The following CACNA2D1 variants were observed in gnomAD, a reference collection of about 807,000 sequenced individuals.
CACNA2D1 encodes the protein calcium voltage-gated channel auxiliary subunit alpha2delta 1, also known as voltage-dependent calcium channel subunit alpha-2/delta-1.
A neutral mutation model predicts 171.5 loss-of-function variants in CACNA2D1; 53 were observed. That is an observed-to-expected ratio of 0.31 (90% CI 0.25 to 0.39). The LOEUF (loss-of-function observed/expected upper bound fraction) is 0.39, where lower values mean the gene tolerates loss of function less well. Among genes scored for constraint, CACNA2D1 ranks in the 10% least tolerant of loss-of-function variants. The probability of loss-of-function intolerance (pLI) is 1.00; values close to 1 mark genes in which losing one functional copy is unlikely to be tolerated. For synonymous variants in CACNA2D1, 442 were observed against 443.1 expected (o/e 1.00, Z 0.03); for missense variants, 903 against 1,299.8 (o/e 0.69, Z 4.69).
At chr7:82,042,733 T>C (rs1315508485) in intron 10 of CACNA2D1, among the ~76,000 whole-genome samples, 1 of 152,108 alleles carries the variant, frequency 6.6e-6, no homozygotes, top group African/African-American at 2.4e-5. Context: ...CCAAAAACAC[T>C]TTTTCCCACT....
At chr7:82,194,194 C>T (rs1798623487) in intron 3 of CACNA2D1, among the ~76,000 whole-genome samples, 1 of 152,022 alleles carries the variant, frequency 6.6e-6, no homozygotes, top group African/African-American at 2.4e-5. Context: ...CTCCCATCAG[C>T]TGCTCCGTAG....
chr7:82,276,510 C>G (rs918064711), intron 3 of CACNA2D1, among the ~76,000 whole-genome samples: 1 of 152,130 alleles, frequency 6.6e-6, no homozygotes, highest in African/African-American at 2.4e-5. Flanking sequence ...GCAATGTAAA[C>G]TATGTTTCTG....
chr7:81,991,133 CTTAATA>C (rs1440932573), intron 21 of CACNA2D1, 46 bp downstream of exon 21: 6 of 899,058 alleles, frequency 6.7e-6, no homozygotes, highest in African/African-American at 6.5e-5. Context: ...AAAATGCAGA[CTTAATA>C]TTAATCCATT....
In CACNA2D1 at chr7:82,062,922, T is replaced by C. The variant is rs564941996; in HGVS notation, c.779+1382A>G. Among the ~76,000 whole-genome samples the C allele has an allele frequency of 1.2e-4, 18 of 151,838 alleles. No homozygotes were observed. In the South Asian group the frequency reaches 3.7e-3, roughly 32 times the overall value. On this transcript the variant is annotated intron_variant, in intron 9 of 38. Transcript: ENST00000356860. ...ATGCCCAGCTGGTTTTTCTTTTGTA[T>C]TTGTTGTAGAAATGAGATATTGCTT...
At chr7:81,954,063 A>G (rs1223149503) in intron 38 of CACNA2D1, among the ~76,000 whole-genome samples, 1 of 152,082 alleles carries the variant, frequency 6.6e-6, no homozygotes, top group African/African-American at 2.4e-5. Flanking sequence ...GCATGGTGCA[A>G]GTCCATGTAA....
chr7:82,164,854 G>C (rs7790482), intron 4 of CACNA2D1, among the ~76,000 whole-genome samples: 7,914 of 151,854 alleles, frequency 0.052, 274 homozygotes, highest in Non-Finnish European at 0.074. Context: ...CAGAAATACA[G>C]TACACTCCCA....
chr7:82,132,000 A>T (rs12673644), intron 5 of CACNA2D1, among the ~76,000 whole-genome samples: 28,753 of 151,774 alleles, frequency 0.19, 3,044 homozygotes, highest in East Asian at 0.34. Context: ...ATCTTTTTTT[A>T]AAAAAAATGT....
At chr7:82,359,994 G>A (rs1043285815) in intron 1 of CACNA2D1, among the ~76,000 whole-genome samples, 2 of 152,166 alleles carry the variant, frequency 1.3e-5, no homozygotes, top group African/African-American at 4.8e-5. Context: ...GGAAACTGAG[G>A]CATAGAGCGG....
At chr7:82,130,791 C>CTTTT (rs71093363) in intron 5 of CACNA2D1, among the ~76,000 whole-genome samples, 48 of 105,864 alleles carry the variant, frequency 4.5e-4, no homozygotes, top group African/African-American at 5.7e-4. Flanking sequence ...TTGTTTTTGT[C>CTTTT]TTTTTTTTTT....
intron 1 of CACNA2D1, among the ~76,000 whole-genome samples, chr7:82,393,829 T>C (rs1210811748): frequency 2.0e-5 from 3 of 152,186 alleles, no homozygotes; most frequent in East Asian, 1.9e-4. Context: ...AACATTTGAG[T>C]TACTGATATA....
intron 1 of CACNA2D1, among the ~76,000 whole-genome samples, chr7:82,378,952 T>C (rs1823350344): frequency 6.7e-6 from 1 of 149,580 alleles, no homozygotes; most frequent in African/African-American, 2.5e-5. Context: ...TGTGTGTGTG[T>C]GTGTGTGTGT....
At chr7:82,246,224 T>C (rs1804897139) in intron 3 of CACNA2D1, among the ~76,000 whole-genome samples, 1 of 145,650 alleles carries the variant, frequency 6.9e-6, no homozygotes, top group Non-Finnish European at 1.5e-5. Context: ...TAGATATGTA[T>C]ATATCTATAT....
chr7:82,232,696 T>C (rs1803082929), intron 3 of CACNA2D1, among the ~76,000 whole-genome samples: 1 of 151,410 alleles, frequency 6.6e-6, no homozygotes, highest in African/African-American at 2.4e-5. Flanking sequence ...AAACCCCGTC[T>C]CTACTAAAAA....
chr7:82,270,587 C>G (rs533401711), intron 3 of CACNA2D1, among the ~76,000 whole-genome samples: 2 of 152,152 alleles, frequency 1.3e-5, no homozygotes, highest in South Asian at 4.1e-4. Context: ...TTGGAAATAT[C>G]CTAGAAATTG....
At chr7:82,066,357 A>T in intron 8 of CACNA2D1, 98 bp downstream of exon 8, 1 of 1,444,832 alleles carries the variant, frequency 6.9e-7, no homozygotes, top group Non-Finnish European at 9.5e-7. Flanking sequence ...TTCAATAAGT[A>T]GTTAATACTC....
chr7:81,955,280 AGAACCTAATCC>A (rs1326564102), intron 38 of CACNA2D1, among the ~76,000 whole-genome samples: 1 of 152,140 alleles, frequency 6.6e-6, no homozygotes, highest in African/African-American at 2.4e-5. Context: ...GCTTGTGAGC[AGAACCTAATCC>A]AACAGAAATT....
chr7:81,969,128 G>A (rs916752563), intron 28 of CACNA2D1, among the ~76,000 whole-genome samples, 155 bp from the exon 29 acceptor site: 11 of 151,168 alleles, frequency 7.3e-5, no homozygotes, highest in African/African-American at 1.9e-4. Context: ...CTCTTCTTCC[G>A]TTGTATACAC....
At chr7:82,239,196 T>C (rs900744123) in intron 3 of CACNA2D1, among the ~76,000 whole-genome samples, 4 of 152,050 alleles carry the variant, frequency 2.6e-5, no homozygotes, top group African/African-American at 4.8e-5. Flanking sequence ...AATAAGAATA[T>C]GAATCAGTAC....
chr7:82,018,097 T>C (rs1045135854), intron 12 of CACNA2D1, among the ~76,000 whole-genome samples: 11 of 152,200 alleles, frequency 7.2e-5, no homozygotes, highest in Non-Finnish European at 1.2e-4. Context: ...TTTGCTTCTA[T>C]GAAATTTTCA....
Sources: gnomAD v4.1 joint callset for allele counts (sites outside exome capture counted in the v4.1 genomes callset) on GRCh38, gnomAD v4.1.1 for gene constraint, MANE v1.5 for transcripts, NCBI Gene and HGNC (gene_info 2026-07-23, HGNC 2026-07-21) for gene names.